Variants in UPP2 observed in about 807,000 individuals in gnomAD.
UPP2 encodes uridine phosphorylase 2.
UPP2 carries 23 observed loss-of-function variants against 26.7 expected under a neutral mutation model. The ratio of observed to expected loss-of-function variants is 0.86; its 90% CI spans 0.62 to 1.22. The LOEUF (loss-of-function observed/expected upper bound fraction) is 1.22. Among genes scored for constraint, UPP2 ranks in the 50% most tolerant of loss-of-function variants. The pLI, the probability that UPP2 is intolerant of heterozygous loss-of-function variation, is 0.00. For synonymous variants in UPP2, 127 were observed against 141.3 expected (o/e 0.90, Z 0.72); for missense variants, 387 against 396.7 (o/e 0.98, Z 0.21).
At chr2:158,084,280 A>G (rs989712006) in intron 3 of UPP2, among the ~76,000 whole-genome samples, 2 of 151,866 alleles carry the variant, frequency 1.3e-5, no homozygotes, top group African/African-American at 2.4e-5. Flanking sequence ...ACATTTTTTC[A>G]TATGTTTGCC....
At chr2:158,000,940 T>A (rs565585695) in intron 2 of UPP2, among the ~76,000 whole-genome samples, 19 of 152,260 alleles carry the variant, frequency 1.2e-4, no homozygotes, top group Middle Eastern at 3.2e-3. Flanking sequence ...ACTTGGCTTA[T>A]CATAAGTGCA....
At chr2:158,037,527 A>AG (rs1405999351) in intron 3 of UPP2, among the ~76,000 whole-genome samples, 3 of 152,196 alleles carry the variant, frequency 2.0e-5, no homozygotes, top group Non-Finnish European at 2.9e-5. Context: ...AAGTGTCAGC[A>AG]GGGTGAATTC....
chr2:158,062,344 A>G (rs1464126472), intron 3 of UPP2, among the ~76,000 whole-genome samples: 2 of 152,200 alleles, frequency 1.3e-5, no homozygotes, highest in Non-Finnish European at 2.9e-5. Context: ...AGTGGCTACC[A>G]TATTGGACAG....
chr2:158,076,520 G>A (rs1039912515), intron 3 of UPP2, among the ~76,000 whole-genome samples: 2 of 151,996 alleles, frequency 1.3e-5, no homozygotes, highest in East Asian at 3.8e-4. Flanking sequence ...TTCAACATAC[G>A]CAAATCAGTC....
At chr2:158,025,428 T>G (rs1257538920) in intron 3 of UPP2, among the ~76,000 whole-genome samples, 1 of 152,118 alleles carries the variant, frequency 6.6e-6, no homozygotes, top group Admixed American at 6.6e-5. Context: ...CCAGCAGGCC[T>G]GCAGGGAGGA....
chr2:158,096,463 G>A (rs1682986873), intron 3 of UPP2, among the ~76,000 whole-genome samples: 1 of 152,160 alleles, frequency 6.6e-6, no homozygotes, highest in Admixed American at 6.5e-5. Flanking sequence ...GCTGGGCATG[G>A]TGGCACAGGC....
At chr2:158,005,436 G>T (rs1294033563) in intron 2 of UPP2, among the ~76,000 whole-genome samples, 3 of 152,192 alleles carry the variant, frequency 2.0e-5, no homozygotes, top group Non-Finnish European at 2.9e-5. Context: ...GAATGGGATG[G>T]AAGATGAAAA....
intron 3 of UPP2, among the ~76,000 whole-genome samples, chr2:158,060,052 T>A (rs1396808102): frequency 2.0e-5 from 3 of 152,156 alleles, no homozygotes; most frequent in Non-Finnish European, 4.4e-5. Flanking sequence ...AAATGCACGC[T>A]ATTTTCAACC....
intron 3 of UPP2, among the ~76,000 whole-genome samples, chr2:158,055,795 G>A (rs376437654): frequency 2.7e-5 from 4 of 145,846 alleles, no homozygotes; most frequent in African/African-American, 8.5e-5. Flanking sequence ...TGCTCATGGC[G>A]GAGATTGTGT....
At chr2:158,112,753 AG>A (rs1006080717) in intron 2 of UPP2, among the ~76,000 whole-genome samples, 5 of 152,224 alleles carry the variant, frequency 3.3e-5, no homozygotes, top group African/African-American at 1.2e-4. Context: ...TTGTTAACAC[AG>A]AAAATGCATA....
intron 3 of UPP2, among the ~76,000 whole-genome samples, chr2:158,022,245 G>A (rs568041635): frequency 2.6e-5 from 4 of 152,102 alleles, no homozygotes; most frequent in East Asian, 1.9e-4. Context: ...GAATCACGAC[G>A]TCAGGAGTTC....
At chr2:158,036,676 G>A (rs1024510981) in intron 3 of UPP2, among the ~76,000 whole-genome samples, 1 of 152,176 alleles carries the variant, frequency 6.6e-6, no homozygotes, top group Non-Finnish European at 1.5e-5. Context: ...TGACACTGAT[G>A]CTATGAATAT....
At chr2:158,065,760 G>T in intron 3 of UPP2, 1 of 686,948 alleles carries the variant, frequency 1.5e-6, no homozygotes, top group Non-Finnish European at 2.7e-6. Context: ...GCCTTTTGAT[G>T]ATGGTGCACC....
At chr2:157,998,353 T>A (rs1360057976) in intron 2 of UPP2, among the ~76,000 whole-genome samples, 1 of 152,150 alleles carries the variant, frequency 6.6e-6, no homozygotes, top group East Asian at 1.9e-4. Flanking sequence ...TATTCAGAAA[T>A]ACTTTAGTGC....
intron 3 of UPP2, chr2:158,065,925 G>A (rs1682427150): frequency 3.6e-6 from 2 of 552,800 alleles, no homozygotes; most frequent in Non-Finnish European, 3.3e-6. Context: ...GAAAGATGAT[G>A]ATGCAGTACA....
At chr2:158,000,683 A>G (rs1283362207) in intron 2 of UPP2, among the ~76,000 whole-genome samples, 1 of 152,248 alleles carries the variant, frequency 6.6e-6, no homozygotes, top group Non-Finnish European at 1.5e-5. Context: ...TTGGCCTGTT[A>G]GAGTCACATG....
chr2:158,013,904 C>T (rs1683618703), intron 2 of UPP2, among the ~76,000 whole-genome samples: 1 of 152,144 alleles, frequency 6.6e-6, no homozygotes, highest in Non-Finnish European at 1.5e-5. Flanking sequence ...CAGGGACTTC[C>T]CAAGAGACTG....
intron 3 of UPP2, among the ~76,000 whole-genome samples, chr2:158,067,184 T>A (rs1426702004): frequency 6.7e-6 from 1 of 148,758 alleles, no homozygotes; most frequent in Non-Finnish European, 1.5e-5. Flanking sequence ...TACTTGATAA[T>A]TTGTTTTATT....
chr2:158,070,903 C>G (rs72938834), intron 3 of UPP2, among the ~76,000 whole-genome samples: 80,268 of 151,966 alleles, frequency 0.53, 22,070 homozygotes, highest in Non-Finnish European at 0.59. Context: ...TGATATTGAA[C>G]TCAGTGCTGT....
Sources: allele counts gnomAD v4.1 joint callset (sites outside exome capture counted in the v4.1 genomes callset), GRCh38; gene constraint gnomAD v4.1.1; transcripts MANE v1.5; gene names NCBI Gene and HGNC (gene_info 2026-07-23, HGNC 2026-07-21).